CNTNAP2: variants seen among roughly 807,000 people sequenced by gnomAD.
CNTNAP2 encodes contactin associated protein 2.
CNTNAP2 carries 98 observed loss-of-function variants against 155.2 expected under a neutral mutation model. The ratio of observed to expected loss-of-function variants is 0.63; its 90% CI spans 0.54 to 0.75. The LOEUF (loss-of-function observed/expected upper bound fraction) is 0.75, where lower values mean the gene tolerates loss of function less well. CNTNAP2 is among the 30% of genes least tolerant of loss of function. CNTNAP2 has a pLI of 0.00. For synonymous variants in CNTNAP2, 651 were observed against 631.2 expected (o/e 1.03, Z -0.47); for missense variants, 1,727 against 1,688.1 (o/e 1.02, Z -0.40).
intron 1 of CNTNAP2, among the ~76,000 whole-genome samples, chr7:146,243,130 T>G (rs1799590499): frequency 6.6e-6 from 1 of 152,156 alleles, no homozygotes; most frequent in African/African-American, 2.4e-5. Flanking sequence ...ATTATTTGAT[T>G]AGTTATATTT....
chr7:147,876,072 G>A (rs1354148613), intron 13 of CNTNAP2, among the ~76,000 whole-genome samples: 1 of 152,150 alleles, frequency 6.6e-6, no homozygotes, highest in East Asian at 1.9e-4. Context: ...ACCCAAATAA[G>A]TTCCAACTTA....
chr7:147,273,253 A>C (rs891346952), intron 8 of CNTNAP2, among the ~76,000 whole-genome samples: 2 of 152,130 alleles, frequency 1.3e-5, no homozygotes, highest in African/African-American at 2.4e-5. Context: ...TGTGTTGTTT[A>C]AATTGTTGTG....
intron 1 of CNTNAP2, among the ~76,000 whole-genome samples, chr7:146,525,765 G>C (rs369928749): frequency 6.6e-6 from 1 of 152,226 alleles, no homozygotes; most frequent in East Asian, 1.9e-4. Flanking sequence ...AGCTGAGTTG[G>C]CAGCTGCGGC....
chr7:146,980,910 G>A (rs1253941196), intron 3 of CNTNAP2, among the ~76,000 whole-genome samples: 1 of 152,094 alleles, frequency 6.6e-6, no homozygotes, highest in East Asian at 1.9e-4. Flanking sequence ...CCTACATTCA[G>A]CTACTGAGTG....
chr7:146,621,779 G>A (rs1322028437), intron 1 of CNTNAP2, among the ~76,000 whole-genome samples: 1 of 152,030 alleles, frequency 6.6e-6, no homozygotes, highest in Non-Finnish European at 1.5e-5. Flanking sequence ...TGTAGTATTG[G>A]GAAGGAAGTC....
chr7:147,092,860 G>C (rs571831129), intron 4 of CNTNAP2, among the ~76,000 whole-genome samples: 1 of 152,276 alleles, frequency 6.6e-6, no homozygotes, highest in African/African-American at 2.4e-5. Flanking sequence ...TGTCAGGAAT[G>C]AGTGATTGGC....
At chr7:148,388,265 G>A (rs1304307734) in intron 22 of CNTNAP2, among the ~76,000 whole-genome samples, 2 of 151,340 alleles carry the variant, frequency 1.3e-5, no homozygotes, top group African/African-American at 2.4e-5. Context: ...TCTAGCATTA[G>A]GTATATCTCC....
chr7:147,035,528 T>C (rs1233212900), intron 3 of CNTNAP2, among the ~76,000 whole-genome samples: 2 of 152,242 alleles, frequency 1.3e-5, no homozygotes, highest in African/African-American at 2.4e-5. Context: ...TGTGTTTCAA[T>C]GCCACAGAGT....
At chr7:147,306,941 A>G (rs1163262081) in intron 9 of CNTNAP2, among the ~76,000 whole-genome samples, 1 of 152,252 alleles carries the variant, frequency 6.6e-6, no homozygotes, top group Non-Finnish European at 1.5e-5. Context: ...AATTAAAAGA[A>G]GAAAAAAATC....
chr7:148,027,914 A>G (rs1802402261), intron 15 of CNTNAP2, among the ~76,000 whole-genome samples: 1 of 152,182 alleles, frequency 6.6e-6, no homozygotes, highest in South Asian at 2.1e-4. Flanking sequence ...GACAATGATT[A>G]TTTTATGTTA....
chr7:146,568,540 A>G (rs945765387), intron 1 of CNTNAP2, among the ~76,000 whole-genome samples: 1 of 152,208 alleles, frequency 6.6e-6, no homozygotes, highest in Non-Finnish European at 1.5e-5. Flanking sequence ...TTGCTCTAAC[A>G]ATATTTGTTC....
chr7:147,850,648 CTT>C (rs978227321), intron 13 of CNTNAP2, among the ~76,000 whole-genome samples: 70 of 152,312 alleles, frequency 4.6e-4, no homozygotes, highest in African/African-American at 1.7e-3. Context: ...CTTTGACAAA[CTT>C]GACAAAAACA....
At chr7:147,242,978 A>G (rs1298545337) in intron 8 of CNTNAP2, among the ~76,000 whole-genome samples, 1 of 87,892 alleles carries the variant, frequency 1.1e-5, no homozygotes, top group Non-Finnish European at 2.1e-5. Flanking sequence ...ATTCCACACT[A>G]TGCTTTGCAT....
chr7:147,030,255 G>A (rs1453910241), intron 3 of CNTNAP2, among the ~76,000 whole-genome samples: 5 of 152,108 alleles, frequency 3.3e-5, no homozygotes, highest in Non-Finnish European at 5.9e-5. Context: ...GTTTTTATAT[G>A]GATTTTCTTG....
In CNTNAP2 at chr7:147,224,778, A is replaced by C. The variant is rs190202818; in HGVS notation, c.1349-75363A>C. Among the ~76,000 whole-genome samples the C allele has an allele frequency of 2.3e-4, 35 of 152,232 alleles. No individual in the cohort carries two copies. The East Asian group carries it at 6.4e-3, about 28-fold the overall frequency. ...CATTATCCATGTTTCCCCCCTCTCT[A>C]TATATACACATATACACACACATAA... On this transcript the variant is annotated intron_variant, in intron 8 of 23. Coordinates refer to ENST00000361727, the MANE Select transcript of CNTNAP2 (RefSeq NM_014141.6).
chr7:148,326,962 A>G (rs1797903057), intron 21 of CNTNAP2, among the ~76,000 whole-genome samples: 1 of 151,948 alleles, frequency 6.6e-6, no homozygotes, highest in African/African-American at 2.4e-5. Flanking sequence ...GTTCACACCC[A>G]GGTAAACAAG....
chr7:147,181,673 T>G (rs1222851772), intron 8 of CNTNAP2, among the ~76,000 whole-genome samples: 1 of 152,234 alleles, frequency 6.6e-6, no homozygotes, highest in African/African-American at 2.4e-5. Flanking sequence ...ATCAAAATGC[T>G]GTTTTCACTA....
intron 1 of CNTNAP2, among the ~76,000 whole-genome samples, chr7:146,731,578 C>T (rs190076334): frequency 3.9e-5 from 6 of 152,136 alleles, no homozygotes; most frequent in East Asian, 3.9e-4. Context: ...AAAAAATGAT[C>T]TGTAGGCTGT....
chr7:146,454,073 T>G (rs183602524), intron 1 of CNTNAP2, among the ~76,000 whole-genome samples: 1 of 152,298 alleles, frequency 6.6e-6, no homozygotes, highest in Admixed American at 6.5e-5. Flanking sequence ...TACATCATTA[T>G]CAAATTGGTT....
Sources: gnomAD v4.1 joint callset for allele counts (sites outside exome capture counted in the v4.1 genomes callset) on GRCh38, gnomAD v4.1.1 for gene constraint, MANE v1.5 for transcripts, NCBI Gene and HGNC (gene_info 2026-07-23, HGNC 2026-07-21) for gene names.